MYH9: variants seen among roughly 807,000 people sequenced by gnomAD.
MYH9 encodes myosin heavy chain 9, also known as myosin-9.
In MYH9, 29 loss-of-function variants were observed where a neutral mutation model predicts 241.9. The ratio of observed to expected loss-of-function variants is 0.12; its 90% CI spans 0.09 to 0.16. The LOEUF (loss-of-function observed/expected upper bound fraction) is 0.16. Ranked by LOEUF, MYH9 falls within the 10% of genes least tolerant of loss-of-function variation. MYH9 has a pLI of 1.00. For missense variants in MYH9, 1,803 were observed against 2,595.5 expected, an observed-to-expected ratio of 0.69 and a Z score of 6.63; for synonymous variants, 1,047 against 1,062.6, an observed-to-expected ratio of 0.99 and a Z score of 0.29.
intron 31 of MYH9, among the ~76,000 whole-genome samples, chr22:36,290,756 G>A (rs1188249509): frequency 3.3e-5 from 5 of 151,300 alleles, no homozygotes; most frequent in South Asian, 2.1e-4. Flanking sequence ...GTCTCTGCCC[G>A]GCCGCCCATC....
At position 36,284,547 on chromosome 22, in the gene MYH9, C is replaced by T. The variant is rs886038515; in HGVS notation, c.5484-36G>A. 1.3e-6 allele frequency: 2 copies of T among 1,598,910 alleles called. No homozygotes were observed. The highest frequency in any genetic ancestry group is 2.2e-5 in the South Asian group (2 of 90,784). ...GACAAGGTGGCTCAGAGGGAACACCCTCCTTCAGAGGGTCCGGCCAACAAG... is the reference window on the plus strand; with the variant it reads ...GACAAGGTGGCTCAGAGGGAACACCTTCCTTCAGAGGGTCCGGCCAACAAG... On this transcript the variant is annotated intron_variant, in intron 38 of 40. Coordinates refer to ENST00000216181, the MANE Select transcript of MYH9 (RefSeq NM_002473.6).
chr22:36,322,210 G>A (rs866203612), intron 6 of MYH9, among the ~76,000 whole-genome samples: 1 of 152,264 alleles, frequency 6.6e-6, no homozygotes, highest in Non-Finnish European at 1.5e-5. Context: ...TCATGAGGGA[G>A]GCTGAAGAAG....
chr22:36,372,007 A>G (rs1055343265), intron 1 of MYH9, among the ~76,000 whole-genome samples: 1 of 152,078 alleles, frequency 6.6e-6, no homozygotes, highest in Non-Finnish European at 1.5e-5. Context: ...CCCAGAACCT[A>G]GAACAGTCTC....
intron 1 of MYH9, among the ~76,000 whole-genome samples, chr22:36,367,740 T>A (rs2018032471): frequency 6.6e-6 from 1 of 152,142 alleles, no homozygotes; most frequent in Non-Finnish European, 1.5e-5. Flanking sequence ...CAGTCTGGTT[T>A]GAAAGTGGCC....
At chr22:36,372,777 G>A (rs1441954503) in intron 1 of MYH9, among the ~76,000 whole-genome samples, 4 of 152,070 alleles carry the variant, frequency 2.6e-5, no homozygotes, top group Non-Finnish European at 5.9e-5. Flanking sequence ...GTGGGGTGGG[G>A]AGCAACAAGA....
At chr22:36,335,878 T>C (rs2017489880) in intron 3 of MYH9, among the ~76,000 whole-genome samples, 1 of 152,200 alleles carries the variant, frequency 6.6e-6, no homozygotes, top group Admixed American at 6.5e-5. Flanking sequence ...TCTTTACGTA[T>C]GAATTCGAAG....
chr22:36,387,168 C>T (rs2018366364), intron 1 of MYH9, among the ~76,000 whole-genome samples: 1 of 152,196 alleles, frequency 6.6e-6, no homozygotes. Flanking sequence ...CCGCACCTCC[C>T]CCGGGCCCTC....
chr22:36,282,356 G>A lies in MYH9; in HGVS notation c.*312C>T, dbSNP rs16996639. ...CCCTCCCCGGGGGCCTGCCCTGCTC[G>A]CCTCAACATCTTGTGCTTTTTGGCA... On this transcript the variant is annotated 3_prime_UTR_variant, in exon 41 of 41. Coordinates refer to ENST00000216181, the MANE Select transcript of MYH9 (RefSeq NM_002473.6). The A allele has an allele frequency of 0.01, 5,419 of 538,256 alleles. 213 individuals are homozygous for A. The highest frequency in any genetic ancestry group is 0.092 in the African/African-American group (4,867 of 52,968). 33.3% of individuals were successfully genotyped at this position (538,256 alleles called of 1,614,324 possible).
rs190403620 is a variant in MYH9 at position 36,303,272 on chromosome 22, C to T, written c.2391-596G>A. Among the ~76,000 whole-genome samples the T allele has an allele frequency of 2.2e-4, 33 of 152,130 alleles. No individual in the cohort carries two copies. In the East Asian group the frequency reaches 3.5e-3, roughly 16 times the overall value. Reference sequence around the variant, plus strand: ...AGTGCCCACAGCCGCTGTCCTGCAGCAGGGGAGCCGTCATTCCCCAGGGAG... The same window carrying T: ...AGTGCCCACAGCCGCTGTCCTGCAGTAGGGGAGCCGTCATTCCCCAGGGAG... On this transcript the variant is annotated intron_variant, in intron 19 of 40. Transcript: ENST00000216181.
At chr22:36,369,655 A>T (rs1403857450) in intron 1 of MYH9, among the ~76,000 whole-genome samples, 1 of 152,236 alleles carries the variant, frequency 6.6e-6, no homozygotes, top group Non-Finnish European at 1.5e-5. Flanking sequence ...CATAAAGCCA[A>T]CTAGGTAACG....
chr22:36,302,428 G>C, intron 20 of MYH9, 140 bp downstream of exon 20: 1 of 701,038 alleles, frequency 1.4e-6, no homozygotes, highest in South Asian at 1.5e-5. Context: ...TAGGAGGATT[G>C]CTGGAGCCCA....
rs138998795 is a variant in MYH9, at chr22:36,285,927, C to T, written c.5088G>A (p.Lys1696=). ...CATCCCGCTCCTGCTGGGCCTGGCG[C>T]TTGGCACGCTCCGCGGCTGCCAGTT... ...QEELAAAERA[K]RQAQQERDEL... is the part of the protein sequence containing the mutation. Residue 1696 remains lysine, a synonymous_variant, in exon 36 of 41, where the codon AAG becomes AAA. Transcript: ENST00000216181. This position sits in a 1 kb window ranked among gnomAD's most constrained non-coding sequence, Gnocchi z 7.0. 1.1e-5 allele frequency: 18 copies of T among 1,612,178 alleles called. No homozygotes were observed. In the African/African-American group the frequency reaches 2.1e-4, roughly 19 times the overall value.
At position 36,282,484 on chromosome 22, in the gene MYH9, C is replaced by A. The variant is rs2016507450; in HGVS notation, c.*184G>T. The A allele has an allele frequency of 2.7e-6, 2 of 736,488 alleles. No individual in the cohort carries two copies. Among genetic ancestry groups the A allele is most frequent in the Non-Finnish European group, 4.9e-6 (2 of 404,310 alleles). The allele number at this position is 736,488 out of a possible 1,614,324, so 45.6% of individuals were successfully genotyped here. A position where few individuals can be genotyped will look rare whatever the true frequency, so the allele number is the denominator to read the frequency against. On this transcript the variant is annotated 3_prime_UTR_variant, in exon 41 of 41. Coordinates refer to ENST00000216181, the MANE Select transcript of MYH9 (RefSeq NM_002473.6). The stretch of plus-strand genomic sequence containing the variant: ...GGGAGGGAGCTGGAAGGGGATGCAG[C>A]AGAGGAAGCCAAATGCCCTCAACAA...
intron 1 of MYH9, among the ~76,000 whole-genome samples, chr22:36,377,165 A>C (rs2018181920): frequency 6.6e-6 from 1 of 152,154 alleles, no homozygotes; most frequent in South Asian, 2.1e-4. Flanking sequence ...GCATAGGGAC[A>C]GAAATGAAAG....
At position 36,300,200 on chromosome 22, in the gene MYH9, G is replaced by A; in HGVS notation, c.2903C>T (p.Thr968Ile). ...CAGCTTTTTCAGCTTCGCCTCGGTG[G>A]TCACCTTCTCCAGCTGCAGCTTCTG... ...ARQKLQLEKV[T>I]TEAKLKKLEE... Residue 968 changes from threonine (T) to isoleucine (I), a missense_variant, in exon 23 of 41, where the codon ACC (threonine) becomes ATC (isoleucine). Transcript: ENST00000216181. This position sits in a 1 kb window ranked among gnomAD's most constrained non-coding sequence, Gnocchi z 5.0. The A allele has an allele frequency of 6.2e-7, 1 of 1,613,532 alleles. No homozygotes were observed. The highest frequency in any genetic ancestry group is 8.5e-7 in the Non-Finnish European group (1 of 1,180,000).
chr22:36,322,626 A>G, intron 5 of MYH9, 105 bp from the exon 6 acceptor site: 2 of 1,117,582 alleles, frequency 1.8e-6, no homozygotes, highest in African/African-American at 1.5e-5. Flanking sequence ...AGCATGTCCA[A>G]CGTGCCAGGA....
In MYH9 at chr22:36,285,180, G is replaced by A. The variant is rs370371349; in HGVS notation, c.5424C>T (p.Ser1808=). The A allele has an allele frequency of 1.4e-5, 22 of 1,614,050 alleles. No homozygotes were observed. The highest frequency in any genetic ancestry group is 2.2e-5 in the East Asian group (1 of 44,880). Residue 1808 remains serine, a synonymous_variant, in exon 38 of 41, where the codon TCC becomes TCT. Transcript: ENST00000216181. The surrounding 1 kb of genome is among the most constrained non-coding windows in gnomAD (Gnocchi z 7.0). ...CAATCTTGGCCTCGAGGGCGGTGAT[G>A]GAGGCCTTGTACTTGGACTTGACAG... ...EGTVKSKYKA[S]ITALEAKIAQ...
At chr22:36,307,022 A>G (rs953123114) in intron 15 of MYH9, among the ~76,000 whole-genome samples, 16 of 147,296 alleles carry the variant, frequency 1.1e-4, no homozygotes, top group Non-Finnish European at 1.2e-4. Flanking sequence ...TCACAGTTAG[A>G]AAAAAAAAAA....
intron 19 of MYH9, among the ~76,000 whole-genome samples, 199 bp downstream of exon 19, chr22:36,303,784 CAAAAAAAAAAAA>C (rs56983008): frequency 6.6e-4 from 32 of 48,432 alleles, no homozygotes; most frequent in Non-Finnish European, 1.1e-3. Context: ...GACTCCGTCT[CAAAAAAAAAAAA>C]AAAAAAAGAA....
Sources: gnomAD v4.1 joint callset for allele counts (sites outside exome capture counted in the v4.1 genomes callset) on GRCh38, gnomAD v4.1.1 for gene constraint, Gnocchi (gnomAD v3.1) non-coding constraint, MANE v1.5 for transcripts, NCBI Gene and HGNC (gene_info 2026-07-23, HGNC 2026-07-21) for gene names.